MYOZ2: variants seen among roughly 807,000 people sequenced by gnomAD.
The protein encoded by MYOZ2 is myozenin 2.
In MYOZ2, 19 loss-of-function variants were observed where a neutral mutation model predicts 25.4. The ratio of observed to expected loss-of-function variants is 0.75; its 90% CI spans 0.52 to 1.10. The LOEUF (loss-of-function observed/expected upper bound fraction) is 1.10, where lower values mean the gene tolerates loss of function less well. MYOZ2 is among the 50% of genes least tolerant of loss of function. The probability of loss-of-function intolerance (pLI) is 0.00; values close to 1 mark genes in which losing one functional copy is unlikely to be tolerated. For missense variants in MYOZ2, 270 were observed against 317.9 expected, an observed-to-expected ratio of 0.85 and a Z score of 1.15; for synonymous variants, 92 against 106.9, an observed-to-expected ratio of 0.86 and a Z score of 0.86.
At chr4:119,163,859 T>C (rs1311341679) in intron 4 of MYOZ2, among the ~76,000 whole-genome samples, 1 of 152,144 alleles carries the variant, frequency 6.6e-6, no homozygotes, top group Non-Finnish European at 1.5e-5. Flanking sequence ...TTTAAATTAA[T>C]TAATTGTGGT....
chr4:119,153,314 T>G (rs1741495860), intron 3 of MYOZ2, among the ~76,000 whole-genome samples: 1 of 152,146 alleles, frequency 6.6e-6, no homozygotes, highest in Admixed American at 6.6e-5. Flanking sequence ...ATTATTAGAC[T>G]CAGGTCTATT....
At chr4:119,147,859 T>C (rs865909100) in intron 2 of MYOZ2, among the ~76,000 whole-genome samples, 13 of 152,302 alleles carry the variant, frequency 8.5e-5, no homozygotes, top group South Asian at 2.1e-4. Flanking sequence ...TTTTGGCTTC[T>C]ACAATAAAAT....
Position 119,137,015 on chromosome 4 carries a change from C to G in MYOZ2, c.76+414C>G, listed in dbSNP as rs147565704. ...ATAAATCACTCAAAATAAGTTCTAT[C>G]ATCTTTTTTATCAAGCTATTAAGTT... On this transcript the variant is annotated intron_variant, in intron 2 of 5. Transcript: ENST00000307128. Among the ~76,000 whole-genome samples the G allele has an allele frequency of 1.8e-4, 28 of 152,080 alleles. 1 individual carries two copies. In the East Asian group the frequency reaches 5.4e-3, roughly 29 times the overall value.
intron 2 of MYOZ2, among the ~76,000 whole-genome samples, chr4:119,140,976 CT>C (rs1741148091): frequency 6.6e-6 from 1 of 152,076 alleles, no homozygotes. Context: ...TATCACAGAA[CT>C]TTTTATCAAT....
Position 119,140,282 on chromosome 4 carries a change from C to T in MYOZ2, c.76+3681C>T, listed in dbSNP as rs781553492. Among the ~76,000 whole-genome samples the T allele has an allele frequency of 8.5e-5, 13 of 152,194 alleles. No homozygotes were observed. The South Asian group carries it at 1.5e-3, about 17-fold the overall frequency. ...TTCAGATGAAAGATTACATGAAGAC[C>T]GCTTTTACTTCTCTTGTAGGAGTGT... On this transcript the variant is annotated intron_variant, in intron 2 of 5. Transcript: ENST00000307128.
At chr4:119,136,648 G>A in intron 2 of MYOZ2, 47 bp downstream of exon 2, 1 of 1,551,232 alleles carries the variant, frequency 6.4e-7, no homozygotes, top group Non-Finnish European at 8.9e-7. Context: ...CAGCATGAAT[G>A]TGGCTCCATC....
chr4:119,156,095 G>A (rs1039465317), intron 3 of MYOZ2, among the ~76,000 whole-genome samples: 11 of 151,948 alleles, frequency 7.2e-5, no homozygotes, highest in Non-Finnish European at 1.0e-4. Context: ...TTTTAAAGGC[G>A]AATTATAGTA....
At chr4:119,140,511 C>T (rs1741140379) in intron 2 of MYOZ2, among the ~76,000 whole-genome samples, 1 of 152,166 alleles carries the variant, frequency 6.6e-6, no homozygotes, top group Non-Finnish European at 1.5e-5. Flanking sequence ...GAAAGGTTTG[C>T]ATGTTTTATT....
chr4:119,180,246 T>C (rs1261521794), intron 5 of MYOZ2, among the ~76,000 whole-genome samples: 2 of 152,210 alleles, frequency 1.3e-5, no homozygotes, highest in Admixed American at 6.5e-5. Flanking sequence ...TTATTGCCTG[T>C]GGTGATCTGG....
At chr4:119,144,164 C>T (rs1272089163) in intron 2 of MYOZ2, among the ~76,000 whole-genome samples, 1 of 152,194 alleles carries the variant, frequency 6.6e-6, no homozygotes, top group African/African-American at 2.4e-5. Context: ...TTCTGCTCTC[C>T]ATTTCTATAA....
intron 5 of MYOZ2, among the ~76,000 whole-genome samples, chr4:119,185,342 T>A (rs1458421239): frequency 6.6e-6 from 1 of 151,818 alleles, no homozygotes; most frequent in Non-Finnish European, 1.5e-5. Flanking sequence ...TTTAGACAGG[T>A]TTCACTCTGT....
chr4:119,171,833 A>G (rs1741954916), intron 5 of MYOZ2, among the ~76,000 whole-genome samples: 1 of 151,302 alleles, frequency 6.6e-6, no homozygotes, highest in African/African-American at 2.4e-5. Flanking sequence ...ACACACACAC[A>G]CAAAACAAAA....
chr4:119,159,845 GC>G (rs2149223949), intron 4 of MYOZ2, among the ~76,000 whole-genome samples: 1 of 152,188 alleles, frequency 6.6e-6, no homozygotes, highest in South Asian at 2.1e-4. Context: ...GATAGACTTA[GC>G]AAAATAATAC....
At chr4:119,180,223 A>C (rs760786847) in intron 5 of MYOZ2, among the ~76,000 whole-genome samples, 1 of 152,012 alleles carries the variant, frequency 6.6e-6, no homozygotes, top group Non-Finnish European at 1.5e-5. Flanking sequence ...TATAAATTCT[A>C]CCTTGTTTGC....
At chr4:119,153,118 G>A (rs1741491574) in intron 3 of MYOZ2, among the ~76,000 whole-genome samples, 1 of 148,882 alleles carries the variant, frequency 6.7e-6, no homozygotes, top group Non-Finnish European at 1.5e-5. Flanking sequence ...ATAAAGATAC[G>A]CACTCCAATG....
At chr4:119,175,337 T>TA (rs1742044882) in intron 5 of MYOZ2, among the ~76,000 whole-genome samples, 1 of 152,166 alleles carries the variant, frequency 6.6e-6, no homozygotes, top group Non-Finnish European at 1.5e-5. Flanking sequence ...TTGATGTAAT[T>TA]CAGAAAACAA....
intron 4 of MYOZ2, among the ~76,000 whole-genome samples, chr4:119,161,641 TATTTA>T (rs1332211194): frequency 2.6e-5 from 4 of 152,144 alleles, no homozygotes. Flanking sequence ...AAAAAGTTGT[TATTTA>T]ATGATATCTA....
In MYOZ2 at chr4:119,175,076, T is replaced by G. The variant is rs186987484; in HGVS notation, c.560+10682T>G. Among the ~76,000 whole-genome samples the G allele has an allele frequency of 5.1e-3, 778 of 151,788 alleles. 5 individuals carry two copies. The highest frequency in any genetic ancestry group is 0.021 in the Middle Eastern group (6 of 292). ...ACTCCAGACACGCCACTTTAAGAGC[T>G]GTAACACTCACCGAGAGGGTCCGCG... On this transcript the variant is annotated intron_variant, in intron 5 of 5. Coordinates refer to ENST00000307128, the MANE Select transcript of MYOZ2 (RefSeq NM_016599.5).
At position 119,177,661 on chromosome 4, in the gene MYOZ2, C is replaced by T. The variant is rs142856509; in HGVS notation, c.561-8305C>T. On this transcript the variant is annotated intron_variant, in intron 5 of 5. Transcript: ENST00000307128. ...ATCAAATTTGCCAGTTGAGTACATT[C>T]GGAACCACATAGCCTGCCTTTTCTC... Among the ~76,000 whole-genome samples the T allele has an allele frequency of 4.8e-3, 735 of 152,276 alleles. 4 individuals are homozygous for T. Among genetic ancestry groups the T allele is most frequent in the African/African-American group, 0.017 (720 of 41,552 alleles).
Sources: gnomAD v4.1 joint callset for allele counts (sites outside exome capture counted in the v4.1 genomes callset) on GRCh38, gnomAD v4.1.1 for gene constraint, MANE v1.5 for transcripts, NCBI Gene and HGNC (gene_info 2026-07-23, HGNC 2026-07-21) for gene names.